The following ESYT3 variants were observed in gnomAD, a reference collection of about 807,000 sequenced individuals.
The protein encoded by ESYT3 is extended synaptotagmin-3.
ESYT3 carries 101 observed loss-of-function variants against 111.5 expected under a neutral mutation model. The ratio of observed to expected loss-of-function variants is 0.91; its 90% CI spans 0.77 to 1.07. ESYT3 has a LOEUF of 1.07. ESYT3 is among the 50% of genes least tolerant of loss of function. The pLI, the probability that ESYT3 is intolerant of heterozygous loss-of-function variation, is 0.00. For missense variants in ESYT3, 1,097 were observed against 1,109.4 expected, an observed-to-expected ratio of 0.99 and a Z score of 0.16; for synonymous variants, 416 against 446.8, an observed-to-expected ratio of 0.93 and a Z score of 0.87.
At chr3:138,443,483 A>C (rs2031304732) in intron 1 of ESYT3, among the ~76,000 whole-genome samples, 1 of 152,238 alleles carries the variant, frequency 6.6e-6, no homozygotes, top group South Asian at 2.1e-4. Flanking sequence ...TTGGGAAGAC[A>C]GGAGCCAGCC....
intron 1 of ESYT3, among the ~76,000 whole-genome samples, chr3:138,446,326 G>A (rs2031536642): frequency 6.6e-6 from 1 of 152,178 alleles, no homozygotes; most frequent in Non-Finnish European, 1.5e-5. Flanking sequence ...CCAGGCTTGG[G>A]TCTCCGTTCT....
In ESYT3 at chr3:138,459,972, G is replaced by A; in HGVS notation, c.676G>A (p.Glu226Lys). The part of the protein sequence containing the change: ...QLQGTLRVIL[E>K]PLLVDKPFVG... The stretch of plus-strand genomic sequence containing the variant: ...GCAGGGCACCCTGCGGGTCATCCTG[G>A]AGCCCCTCCTAGTGGACAAGCCCTT... Residue 226 changes from glutamate to lysine, a missense_variant, in exon 6 of 23, where the codon GAG (glutamate) becomes AAG (lysine). Physicochemically the swap from Glu to Lys is moderately conservative, Grantham distance 56. Coordinates refer to ENST00000389567, the MANE Select transcript of ESYT3 (RefSeq NM_031913.5). 6.2e-7 allele frequency: 1 copy of A among 1,614,066 alleles called. No homozygotes were observed. Among genetic ancestry groups the A allele is most frequent in the Non-Finnish European group, 8.5e-7 (1 of 1,179,968 alleles).
Position 138,460,614 on chromosome 3 carries a change from C to G in ESYT3, c.742C>G (p.Leu248Val). Residue 248 changes from leucine to valine, a missense_variant, in exon 7 of 23, where the codon CTA becomes GTA. Leu to Val is a conservative substitution (Grantham distance 32, BLOSUM62 1). Coordinates refer to ENST00000389567, the MANE Select transcript of ESYT3 (RefSeq NM_031913.5). ...TAGCTTCCCTCTGCCCCTGAAGCAC[C>G]TACAGATCAACTGGACTGGCCTGAC... ...VTVFFLQKPH[L>V]QINWTGLTNL... is the part of the protein sequence containing the mutation. 1.2e-6 allele frequency: 2 copies of G among 1,614,108 alleles called. No homozygotes were observed.
intron 8 of ESYT3, among the ~76,000 whole-genome samples, chr3:138,463,423 A>G (rs1220440405): frequency 6.6e-6 from 1 of 152,188 alleles, no homozygotes; most frequent in East Asian, 1.9e-4. Flanking sequence ...TGAGTATGTC[A>G]TGAGGATCAT....
At chr3:138,469,531 G>C in intron 15 of ESYT3, 27 bp downstream of exon 15, 1 of 1,604,606 alleles carries the variant, frequency 6.2e-7, no homozygotes, top group East Asian at 2.2e-5. Flanking sequence ...TGTAGCCCTG[G>C]GGTAAGGAAA....
chr3:138,472,199 G>T (rs1202836122), intron 17 of ESYT3, among the ~76,000 whole-genome samples, 164 bp from the exon 18 acceptor site: 1 of 152,134 alleles, frequency 6.6e-6, no homozygotes, highest in East Asian at 1.9e-4. Context: ...TTTCTAACAA[G>T]TTTTTCAGAA....
intron 22 of ESYT3, 110 bp from the exon 23 acceptor site, chr3:138,476,708 A>T (rs1434795149): frequency 5.9e-6 from 7 of 1,191,622 alleles, no homozygotes; most frequent in Non-Finnish European, 7.4e-6. Flanking sequence ...ACAGAGAGAC[A>T]GGTTCTGCTG....
intron 2 of ESYT3, 30 bp downstream of exon 2, chr3:138,452,119 C>A: frequency 2.5e-6 from 4 of 1,604,336 alleles, no homozygotes; most frequent in Non-Finnish European, 2.5e-6. Context: ...CTAGCAGGGC[C>A]GGACGCATGC....
intron 1 of ESYT3, among the ~76,000 whole-genome samples, chr3:138,437,662 C>T (rs1221868085): frequency 6.6e-6 from 1 of 152,060 alleles, no homozygotes; most frequent in Non-Finnish European, 1.5e-5. Flanking sequence ...CTTCAGAAAG[C>T]AGCATGGTGG....
chr3:138,473,703 C>T, intron 19 of ESYT3, 69 bp downstream of exon 19: 1 of 1,345,802 alleles, frequency 7.4e-7, no homozygotes, highest in Non-Finnish European at 1.1e-6. Flanking sequence ...AGTAGGGACA[C>T]TCAGAGCAAT....
rs2032707332 is a variant in ESYT3, at chr3:138,462,568, A to G, written c.915+362A>G. The G allele has an allele frequency of 1.5e-5, 6 of 389,206 alleles. No individual in the cohort carries two copies. The South Asian group carries it at 3.3e-4, about 22-fold the overall frequency. 24.1% of individuals were successfully genotyped at this position (389,206 alleles called of 1,614,324 possible). On this transcript the variant is annotated intron_variant, in intron 8 of 22. Coordinates refer to ENST00000389567, the MANE Select transcript of ESYT3 (RefSeq NM_031913.5). Reference sequence around the variant, plus strand: ...AAGTAGTTGTACATTTCCAAAGTCCAATTAAAAAACAAATTACATTTTAAG... The same window carrying G: ...AAGTAGTTGTACATTTCCAAAGTCCGATTAAAAAACAAATTACATTTTAAG...
chr3:138,456,336 T>TC (rs2032276195), intron 3 of ESYT3, among the ~76,000 whole-genome samples: 1 of 152,190 alleles, frequency 6.6e-6, no homozygotes, highest in African/African-American at 2.4e-5. Context: ...GCGTGCATGA[T>TC]GGCAGAGGAA....
intron 4 of ESYT3, 71 bp from the exon 5 acceptor site, chr3:138,459,116 A>G: frequency 7.6e-7 from 1 of 1,319,042 alleles, no homozygotes; most frequent in Non-Finnish European, 1.0e-6. Flanking sequence ...ACACTGGGCA[A>G]GTTTCCCAAC....
intron 14 of ESYT3, 124 bp from the exon 15 acceptor site, chr3:138,469,312 C>T (rs1299234615): frequency 4.7e-5 from 38 of 815,970 alleles, no homozygotes; most frequent in Non-Finnish European, 1.2e-5. Context: ...GAGTAGCTTT[C>T]TCTCAAAGAG....
Position 138,464,504 on chromosome 3 carries a change from G to T in ESYT3, c.1075G>T (p.Glu359Ter), listed in dbSNP as rs771684163. Residue 359 changes from glutamate (E) to a stop codon, truncating the protein, a stop_gained, in exon 9 of 23, where the codon GAA becomes TAA. Transcript: ENST00000389567. LOFTEE classifies it high-confidence loss of function. ...IYRNLNPTWN[E>*]VFEFMVYEVP... Reference sequence around the variant, plus strand: ...CAGGAACCTGAACCCCACCTGGAACGAAGTGTTTGAGGTAAGGGTCTCCTT... The same window carrying T: ...CAGGAACCTGAACCCCACCTGGAACTAAGTGTTTGAGGTAAGGGTCTCCTT... 1.2e-6 allele frequency: 2 copies of T among 1,614,046 alleles called. No homozygotes were observed. Among genetic ancestry groups the T allele is most frequent in the Non-Finnish European group, 1.7e-6 (2 of 1,179,972 alleles).
chr3:138,470,822 A>G (rs1210954983), intron 16 of ESYT3, 55 bp from the exon 17 acceptor site: 26 of 1,610,882 alleles, frequency 1.6e-5, no homozygotes, highest in African/African-American at 4.0e-5. Context: ...AGATACTAGT[A>G]GTGGAGTGGT....
chr3:138,464,232 G>A (rs1244175751), intron 8 of ESYT3, 113 bp from the exon 9 acceptor site: 27 of 1,241,654 alleles, frequency 2.2e-5, no homozygotes, highest in South Asian at 2.9e-5. Flanking sequence ...GGTCCAGACC[G>A]TGGAGGGGGC....
chr3:138,465,404 G>C lies in ESYT3; in HGVS notation c.1152G>C (p.Arg384Ser). 1 of 1,593,246 alleles carries C rather than the reference G, an allele frequency of 6.3e-7. No individual in the cohort carries two copies. The highest frequency in any genetic ancestry group is 1.1e-5 in the South Asian group (1 of 86,992). ...ACCTGTATGATGAGGATACCGACAG[G>C]GATGACTTCCTGGGCAGGTGAGGAG... ...EVDLYDEDTD[R>S]DDFLGSLQIC... The change falls in exon 10 of 23, where the codon AGG (arginine) becomes AGC (serine). Residue 384 changes from arginine (R) to serine (S), a missense_variant. Transcript: ENST00000389567.
chr3:138,465,089 C>T (rs750946643), intron 9 of ESYT3, among the ~76,000 whole-genome samples: 22 of 152,222 alleles, frequency 1.4e-4, no homozygotes, highest in Non-Finnish European at 2.8e-4. Flanking sequence ...CTCAGGACAC[C>T]GCATGGCCCA....
Sources: gnomAD v4.1 joint callset for allele counts (sites outside exome capture counted in the v4.1 genomes callset) on GRCh38, gnomAD v4.1.1 for gene constraint, MANE v1.5 for transcripts, NCBI Gene and HGNC (gene_info 2026-07-23, HGNC 2026-07-21) for gene names.